CNTLN: variants seen among roughly 807,000 people sequenced by gnomAD.
CNTLN encodes the protein centlein, centrosomal protein.
Under a neutral mutation model 180.0 loss-of-function variants are expected in CNTLN, and 212 were observed. The ratio of observed to expected loss-of-function variants is 1.18; its 90% CI spans 1.05 to 1.32. CNTLN has a LOEUF of 1.32. CNTLN is among the 40% of genes most tolerant of loss of function. The pLI, the probability that CNTLN is intolerant of heterozygous loss-of-function variation, is 0.00. For synonymous variants in CNTLN, 722 were observed against 563.1 expected, an observed-to-expected ratio of 1.28 and a Z score of -3.99; for missense variants, 2,095 against 1,610.9, an observed-to-expected ratio of 1.30 and a Z score of -5.14.
Position 17,433,789 on chromosome 9 carries a change from C to A in CNTLN, c.3114+17600C>A, listed in dbSNP as rs1829581879. Among the ~76,000 whole-genome samples the A allele has an allele frequency of 3.9e-5, 6 of 152,074 alleles. 1 individual carries two copies. In the South Asian group the frequency reaches 1.2e-3, roughly 32 times the overall value. ...AGAGATGGGATCTCACTTTGTTGCT[C>A]AGGGTTGTCTTGAATACCTGGCCTC... On this transcript the variant is annotated intron_variant, in intron 18 of 25. Coordinates refer to ENST00000380647, the MANE Select transcript of CNTLN (RefSeq NM_017738.4).
intron 1 of CNTLN, among the ~76,000 whole-genome samples, chr9:17,137,784 C>A (rs1248613566): frequency 1.3e-5 from 2 of 152,112 alleles, no homozygotes; most frequent in East Asian, 3.8e-4. Flanking sequence ...TTGAGTAATT[C>A]CCCATACCAT....
At chr9:17,372,147 CAA>C (rs1374040335) in intron 13 of CNTLN, among the ~76,000 whole-genome samples, 4 of 151,796 alleles carry the variant, frequency 2.6e-5, no homozygotes, top group East Asian at 1.9e-4. Flanking sequence ...ATGAATAAAA[CAA>C]TATGAAAAAA....
chr9:17,441,380 G>A (rs888675672), intron 18 of CNTLN, among the ~76,000 whole-genome samples: 3 of 151,946 alleles, frequency 2.0e-5, no homozygotes, highest in Admixed American at 6.6e-5. Flanking sequence ...ATATGATAAT[G>A]AATACATAAT....
At position 17,342,462 on chromosome 9, in the gene CNTLN, C is replaced by T. The variant is rs759003247; in HGVS notation, c.1886+18C>T. On this transcript the variant is annotated intron_variant, in intron 12 of 25. Coordinates refer to ENST00000380647, the MANE Select transcript of CNTLN (RefSeq NM_017738.4). ...ATTCAAAAGTGAGTTTCATTTTTAA[C>T]AATATGGACTTAGATAAAATACTTG... The T allele has an allele frequency of 6.3e-7, 1 of 1,588,302 alleles. No individual in the cohort carries two copies. Among genetic ancestry groups the T allele is most frequent in the Admixed American group, 1.8e-5 (1 of 54,730 alleles).
chr9:17,432,169 A>G (rs1829456591), intron 18 of CNTLN, among the ~76,000 whole-genome samples: 1 of 152,214 alleles, frequency 6.6e-6, no homozygotes, highest in Non-Finnish European at 1.5e-5. Flanking sequence ...ACTAGAGACA[A>G]AAAGTAAAAT....
Position 17,380,646 on chromosome 9 carries a change from A to G in CNTLN, c.1988-7516A>G, listed in dbSNP as rs565672609. On this transcript the variant is annotated intron_variant, in intron 13 of 25. Transcript: ENST00000380647. Reference sequence around the variant, plus strand: ...AAATCACATGTAAGGTTTGGCCAGGAGCTAGATTCCTCAGTCTTTACTGAG... The same window carrying G: ...AAATCACATGTAAGGTTTGGCCAGGGGCTAGATTCCTCAGTCTTTACTGAG... Among the ~76,000 whole-genome samples the G allele has an allele frequency of 1.8e-4, 27 of 152,316 alleles. No homozygotes were observed. In the South Asian group the frequency reaches 3.7e-3, roughly 21 times the overall value.
Position 17,269,368 on chromosome 9 carries a change from C to T in CNTLN, c.850-4365C>T, listed in dbSNP as rs114308040. ...GTAAATTTAGGTTGTTGAGATTTTTCTTCCTTTTTAATGTACTACATACTT... is the reference window on the plus strand; with the variant it reads ...GTAAATTTAGGTTGTTGAGATTTTTTTTCCTTTTTAATGTACTACATACTT... On this transcript the variant is annotated intron_variant, in intron 5 of 25. Coordinates refer to ENST00000380647, the MANE Select transcript of CNTLN (RefSeq NM_017738.4). Among the ~76,000 whole-genome samples the T allele has an allele frequency of 2.2e-3, 337 of 151,838 alleles. 2 individuals carry two copies. The highest frequency in any genetic ancestry group is 7.9e-3 in the African/African-American group (327 of 41,392).
chr9:17,168,743 T>A (rs1438310348), intron 2 of CNTLN, among the ~76,000 whole-genome samples: 3 of 152,222 alleles, frequency 2.0e-5, no homozygotes. Flanking sequence ...TATATACCAT[T>A]TATGATAAAG....
the CNTLN span, among the ~76,000 whole-genome samples, chr9:17,522,004 C>A: frequency 1.4e-5 from 2 of 145,104 alleles, no homozygotes; most frequent in Admixed American, 7.3e-5. Flanking sequence ...AGAATCATGA[C>A]CTGTTAGCTC....
intron 7 of CNTLN, chr9:17,300,876 C>A (rs1489526497): frequency 1.4e-5 from 8 of 570,474 alleles, no homozygotes; most frequent in Non-Finnish European, 1.8e-5. Context: ...ATACTTTCTT[C>A]CAGTGCCTGA....
In CNTLN at chr9:17,330,696, A is replaced by G. The variant is rs1820586305; in HGVS notation, c.1406A>G (p.Glu469Gly). The G allele has an allele frequency of 2.5e-6, 4 of 1,611,550 alleles. No individual in the cohort carries two copies. In the East Asian group the frequency reaches 8.9e-5, roughly 36 times the overall value. Residue 469 changes from glutamate to glycine, a missense_variant, in exon 9 of 26, where the codon GAG (glutamate) becomes GGG (glycine). Transcript: ENST00000380647. ...TLMVSQKSEI[E>G]YLQEKLKIAN... ...ATGGTTTCACAGAAGTCTGAAATTG[A>G]GTATTTACAGGAGAAACTAAAGATA...
chr9:17,163,264 A>G (rs1377150657), intron 2 of CNTLN, among the ~76,000 whole-genome samples: 1 of 152,206 alleles, frequency 6.6e-6, no homozygotes, highest in Non-Finnish European at 1.5e-5. Flanking sequence ...GCAATTCAAG[A>G]TGAGATTTGG....
chr9:17,215,288 G>T (rs1301916471), intron 2 of CNTLN, among the ~76,000 whole-genome samples: 1 of 152,234 alleles, frequency 6.6e-6, no homozygotes, highest in Non-Finnish European at 1.5e-5. Flanking sequence ...ACCATTAGCT[G>T]CATGTCTGTT....
intron 15 of CNTLN, among the ~76,000 whole-genome samples, chr9:17,404,176 T>C (rs1457970815): frequency 1.3e-5 from 2 of 151,942 alleles, no homozygotes; most frequent in East Asian, 3.9e-4. Flanking sequence ...ACTGGCTGTA[T>C]ACGACAGTAG....
intron 18 of CNTLN, among the ~76,000 whole-genome samples, chr9:17,454,160 T>C (rs1830974012): frequency 6.6e-6 from 1 of 152,220 alleles, no homozygotes; most frequent in Non-Finnish European, 1.5e-5. Context: ...TTATTTCTTC[T>C]TACAGTCGCT....
At chr9:17,260,540 C>T (rs1188874194) in intron 5 of CNTLN, among the ~76,000 whole-genome samples, 2 of 151,118 alleles carry the variant, frequency 1.3e-5, no homozygotes, top group African/African-American at 4.9e-5. Flanking sequence ...ACTTAAGTTT[C>T]TTATGGTTTC....
At chr9:17,488,282 A>T (rs1490412102) in intron 25 of CNTLN, among the ~76,000 whole-genome samples, 1 of 152,108 alleles carries the variant, frequency 6.6e-6, no homozygotes, top group Admixed American at 6.6e-5. Context: ...TTAAGTGTAG[A>T]TGTGCAGGTG....
chr9:17,296,018 G>A (rs909497135), intron 6 of CNTLN, among the ~76,000 whole-genome samples: 5 of 148,184 alleles, frequency 3.4e-5, no homozygotes, highest in South Asian at 2.1e-4. Flanking sequence ...GTGTGTGTGT[G>A]TGTGTGTGTG....
intron 15 of CNTLN, among the ~76,000 whole-genome samples, chr9:17,406,292 A>G (rs1431290545): frequency 6.6e-6 from 1 of 151,750 alleles, no homozygotes; most frequent in Non-Finnish European, 1.5e-5. Flanking sequence ...TCTTATATCT[A>G]TCATCAGTTG....
Sources: gnomAD v4.1 joint callset for allele counts (sites outside exome capture counted in the v4.1 genomes callset) on GRCh38, gnomAD v4.1.1 for gene constraint, MANE v1.5 for transcripts, NCBI Gene and HGNC (gene_info 2026-07-23, HGNC 2026-07-21) for gene names.